The following PTPRN2 variants were observed in gnomAD, a reference collection of about 807,000 sequenced individuals.
The protein encoded by PTPRN2 is receptor-type tyrosine-protein phosphatase N2.
In PTPRN2, 74 loss-of-function variants were observed where a neutral mutation model predicts 118.8. The ratio of observed to expected loss-of-function variants is 0.62; its 90% confidence interval spans 0.52 to 0.76. The LOEUF (loss-of-function observed/expected upper bound fraction) is 0.76. Ranked by LOEUF, PTPRN2 falls within the 30% of genes least tolerant of loss-of-function variation. The probability of loss-of-function intolerance (pLI) is 0.00; values close to 1 mark genes in which losing one functional copy is unlikely to be tolerated. For missense variants in PTPRN2, 1,481 were observed against 1,394.4 expected, an observed-to-expected ratio of 1.06 and a Z score of -0.99; for synonymous variants, 641 against 608.0, an observed-to-expected ratio of 1.05 and a Z score of -0.80.
rs1454746709 is a variant in PTPRN2 at position 157,615,420 on chromosome 7, C to T, written c.2344+5942G>A. 4.2e-6 allele frequency: 2 copies of T among 471,078 alleles called. No homozygotes were observed. Among genetic ancestry groups the T allele is most frequent in the Admixed American group, 4.7e-5 (2 of 42,586 alleles). The allele number at this position is 471,078 out of a possible 1,614,324, so 29.2% of individuals were successfully genotyped here. On this transcript the variant is annotated intron_variant, in intron 15 of 22. Coordinates refer to ENST00000389418, the MANE Select transcript of PTPRN2 (RefSeq NM_002847.5). This position sits in a 1 kb window ranked among gnomAD's most constrained non-coding sequence, Gnocchi z 4.3. Reference sequence around the variant, plus strand: ...CTCTGTCCCTGTGTGAATCTCAGGGCTGTTTCGAGGATGAAAAGGAGGTGT... The same window carrying T: ...CTCTGTCCCTGTGTGAATCTCAGGGTTGTTTCGAGGATGAAAAGGAGGTGT...
At chr7:158,137,113 C>T (rs535331128) in intron 7 of PTPRN2, among the ~76,000 whole-genome samples, 1 of 152,168 alleles carries the variant, frequency 6.6e-6, no homozygotes, top group Non-Finnish European at 1.5e-5. Context: ...CTGTGGTCAG[C>T]GTTTCTCTCT....
At chr7:157,597,484 GT>G (rs572378771) in intron 16 of PTPRN2, among the ~76,000 whole-genome samples, 34 of 145,646 alleles carry the variant, frequency 2.3e-4, no homozygotes, top group East Asian at 4.0e-4. Flanking sequence ...GTGTGTGTGT[GT>G]TTTTTTTTTT....
intron 3 of PTPRN2, among the ~76,000 whole-genome samples, chr7:158,250,785 T>C (rs1046621161): frequency 6.6e-6 from 1 of 152,218 alleles, no homozygotes; most frequent in Non-Finnish European, 1.5e-5. Flanking sequence ...CACTGTGCTA[T>C]CACTATTTCA....
At chr7:157,705,679 A>C (rs1563019867) in intron 12 of PTPRN2, among the ~76,000 whole-genome samples, 1 of 151,952 alleles carries the variant, frequency 6.6e-6, no homozygotes, top group African/African-American at 2.4e-5. Context: ...AATGCTGGGA[A>C]TTGAGTGAAT....
At chr7:157,693,470 G>A (rs1468029517) in intron 12 of PTPRN2, among the ~76,000 whole-genome samples, 1 of 152,158 alleles carries the variant, frequency 6.6e-6, no homozygotes, top group East Asian at 1.9e-4. Flanking sequence ...CGGCCGCTGG[G>A]GCATTGGGGC....
At chr7:158,333,760 C>T (rs1804984899) in intron 2 of PTPRN2, among the ~76,000 whole-genome samples, 1 of 148,448 alleles carries the variant, frequency 6.7e-6, no homozygotes, top group Non-Finnish European at 1.5e-5. Context: ...TAAGAGCTGA[C>T]ACCCGCAGAC....
chr7:157,593,429 G>A (rs766990741), intron 17 of PTPRN2, among the ~76,000 whole-genome samples: 1 of 152,250 alleles, frequency 6.6e-6, no homozygotes, highest in Non-Finnish European at 1.5e-5. Context: ...ATGTTGGGCT[G>A]TGGGGGCCCA....
intron 13 of PTPRN2, among the ~76,000 whole-genome samples, chr7:157,664,670 G>C (rs1464228504): frequency 6.6e-6 from 1 of 152,128 alleles, no homozygotes; most frequent in Non-Finnish European, 1.5e-5. Flanking sequence ...GAGGTGGGAG[G>C]ATCACTTGAG....
chr7:157,959,982 C>T (rs953079965), intron 11 of PTPRN2, among the ~76,000 whole-genome samples: 9 of 152,128 alleles, frequency 5.9e-5, no homozygotes, highest in South Asian at 2.1e-4. Context: ...CTATACACGG[C>T]GGGGTATTAT....
chr7:157,613,961 A>G, intron 15 of PTPRN2: 1 of 467,288 alleles, frequency 2.1e-6, no homozygotes, highest in Non-Finnish European at 4.4e-6. Context: ...TCCCGTCACA[A>G]CTGTGACTCT....
chr7:157,569,832 T>C (rs960410111), intron 20 of PTPRN2, among the ~76,000 whole-genome samples: 6 of 152,214 alleles, frequency 3.9e-5, no homozygotes, highest in African/African-American at 1.4e-4. Context: ...CAGAGGACCT[T>C]TTACATTTAT....
At chr7:158,249,341 ACAC>A (rs1475056445) in intron 3 of PTPRN2, among the ~76,000 whole-genome samples, 2 of 150,476 alleles carry the variant, frequency 1.3e-5, no homozygotes, top group Non-Finnish European at 3.0e-5. Context: ...CTGCATGCAC[ACAC>A]ATCACACACA....
At position 157,796,042 on chromosome 7, in the gene PTPRN2, C is replaced by T. The variant is rs971149959; in HGVS notation, c.1788+102631G>A. On this transcript the variant is annotated intron_variant, in intron 12 of 22. Coordinates refer to ENST00000389418, the MANE Select transcript of PTPRN2 (RefSeq NM_002847.5). ...CTGGCTGGAGAAAAATGGCCCGCCC[C>T]GTGAAACAGCAAATAAACACACGCG... Among the ~76,000 whole-genome samples the T allele has an allele frequency of 6.6e-5, 10 of 152,214 alleles. No individual in the cohort carries two copies. The East Asian group carries it at 1.2e-3, about 18-fold the overall frequency.
At chr7:158,040,671 CTTT>C (rs34953423) in intron 11 of PTPRN2, among the ~76,000 whole-genome samples, 1 of 151,518 alleles carries the variant, frequency 6.6e-6, no homozygotes, top group Admixed American at 6.6e-5. Context: ...GAAATAAAGA[CTTT>C]TTTAGGCAAA....
chr7:157,709,622 C>T (rs931190802), intron 12 of PTPRN2, among the ~76,000 whole-genome samples: 7 of 152,192 alleles, frequency 4.6e-5, no homozygotes, highest in Non-Finnish European at 8.8e-5. Flanking sequence ...TGTGCAGCCA[C>T]ATGGCCCACA....
chr7:158,136,507 T>C (rs1818828362), intron 8 of PTPRN2, 148 bp downstream of exon 8: 5 of 669,458 alleles, frequency 7.5e-6, no homozygotes, highest in Non-Finnish European at 1.0e-5. Context: ...CTCTTTATAC[T>C]GTTTTTCAAT....
rs1182564791 is a variant in PTPRN2, at chr7:157,596,176, A to G, written c.2419-861T>C. Reference sequence around the variant, plus strand: ...AACTTGCCAGCGTCCTGGGAGAACGAACTAGCGCTACCTGCTGCTTCCCTG... The same window carrying G: ...AACTTGCCAGCGTCCTGGGAGAACGGACTAGCGCTACCTGCTGCTTCCCTG... On this transcript the variant is annotated intron_variant, in intron 16 of 22. Coordinates refer to ENST00000389418, the MANE Select transcript of PTPRN2 (RefSeq NM_002847.5). This position sits in a 1 kb window ranked among gnomAD's most constrained non-coding sequence, Gnocchi z 4.2. Among the ~76,000 whole-genome samples, 1 of 152,250 alleles carries G rather than the reference A, an allele frequency of 6.6e-6. No homozygotes were observed. The highest frequency in any genetic ancestry group is 2.4e-5 in the African/African-American group (1 of 41,468).
chr7:158,118,506 C>T (rs1816901945), intron 9 of PTPRN2, among the ~76,000 whole-genome samples: 1 of 152,112 alleles, frequency 6.6e-6, no homozygotes, highest in Non-Finnish European at 1.5e-5. Flanking sequence ...CCATAATGCA[C>T]ATAGAAAACA....
At chr7:157,759,571 T>G (rs1392224803) in intron 12 of PTPRN2, among the ~76,000 whole-genome samples, 6 of 152,202 alleles carry the variant, frequency 3.9e-5, no homozygotes, top group Admixed American at 3.3e-4. Flanking sequence ...AAAGGCCTCC[T>G]TCAAATGGAA....
Sources: allele counts gnomAD v4.1 joint callset (sites outside exome capture counted in the v4.1 genomes callset), GRCh38; gene constraint gnomAD v4.1.1; non-coding constraint Gnocchi (gnomAD v3.1); transcripts MANE v1.5; gene names NCBI Gene and HGNC (gene_info 2026-07-23, HGNC 2026-07-21).